Variants in SOCS5 observed in about 807,000 individuals in gnomAD.
The protein encoded by SOCS5 is CIS-6.
A neutral mutation model predicts 42.8 loss-of-function variants in SOCS5; 32 were observed. That is an observed-to-expected ratio of 0.75 (90% CI 0.56 to 1.01). The LOEUF is 1.01. SOCS5 is among the 50% of genes least tolerant of loss of function. The pLI, the probability that SOCS5 is intolerant of heterozygous loss-of-function variation, is 0.00. For synonymous variants in SOCS5, 283 were observed against 229.6 expected (o/e 1.23, Z -2.10); for missense variants, 627 against 653.0 (o/e 0.96, Z 0.43).
At chr2:46,715,702 G>C (rs1346572670) in intron 1 of SOCS5, among the ~76,000 whole-genome samples, 2 of 152,062 alleles carry the variant, frequency 1.3e-5, no homozygotes, top group East Asian at 3.9e-4. Context: ...TATATAATAT[G>C]TTTTTTTCCT....
chr2:46,734,027 CGTT>C (rs1196439830), intron 1 of SOCS5, among the ~76,000 whole-genome samples: 2 of 152,090 alleles, frequency 1.3e-5, no homozygotes, highest in Non-Finnish European at 2.9e-5. Flanking sequence ...ATAATGGAAA[CGTT>C]GTGGGACTTC....
intron 1 of SOCS5, among the ~76,000 whole-genome samples, chr2:46,729,681 G>T (rs1025598342): frequency 1.3e-5 from 2 of 152,190 alleles, no homozygotes; most frequent in Non-Finnish European, 2.9e-5. Flanking sequence ...GTGGGTGAGT[G>T]AGTGAGTGAG....
At chr2:46,713,361 C>G (rs907853306) in intron 1 of SOCS5, among the ~76,000 whole-genome samples, 10 of 152,114 alleles carry the variant, frequency 6.6e-5, no homozygotes, top group Non-Finnish European at 1.3e-4. Context: ...GGGTCTAAAA[C>G]AAATGTAAGA....
At chr2:46,741,941 C>T (rs757174993) in intron 1 of SOCS5, among the ~76,000 whole-genome samples, 1 of 152,170 alleles carries the variant, frequency 6.6e-6, no homozygotes, top group Non-Finnish European at 1.5e-5. Flanking sequence ...GCATAGTTTT[C>T]AAGCTTTAGT....
rs149802888 is a variant in SOCS5, at chr2:46,762,705, T to A, written c.*2564T>A. On this transcript the variant is annotated 3_prime_UTR_variant, in exon 2 of 2. Coordinates refer to ENST00000394861, the MANE Select transcript of SOCS5 (RefSeq NM_144949.3). ...TCACTGTGTCCTTTTCTGAATCCCA[T>A]TGTAGCCTGTCAACTAAATTTGAGT... 184 of 166,408 alleles carry A rather than the reference T, an allele frequency of 1.1e-3. No homozygotes were observed. The highest frequency in any genetic ancestry group is 4.2e-3 in the African/African-American group (175 of 41,580). The allele number at this position is 166,408 out of a possible 1,614,324, so 10.3% of individuals were successfully genotyped here. A position where few individuals can be genotyped will look rare whatever the true frequency, so the allele number is the denominator to read the frequency against.
At chr2:46,733,072 A>G (rs975680824) in intron 1 of SOCS5, among the ~76,000 whole-genome samples, 8 of 151,336 alleles carry the variant, frequency 5.3e-5, no homozygotes, top group South Asian at 4.2e-4. Context: ...CTAGATTCCT[A>G]TTTTTGCCCA....
At chr2:46,727,437 A>T (rs1047143145) in intron 1 of SOCS5, among the ~76,000 whole-genome samples, 3 of 152,070 alleles carry the variant, frequency 2.0e-5, no homozygotes, top group African/African-American at 7.2e-5. Context: ...GGCATCTTCA[A>T]TATTACATTA....
At chr2:46,728,332 A>G (rs1260301742) in intron 1 of SOCS5, among the ~76,000 whole-genome samples, 1 of 151,924 alleles carries the variant, frequency 6.6e-6, no homozygotes, top group Non-Finnish European at 1.5e-5. Flanking sequence ...GAGTGTTTTT[A>G]CTCTATCTTG....
At chr2:46,757,465 T>C (rs1169501537) in intron 1 of SOCS5, among the ~76,000 whole-genome samples, 3 of 152,182 alleles carry the variant, frequency 2.0e-5, no homozygotes, top group South Asian at 4.1e-4. Flanking sequence ...TGCCAAATTG[T>C]ATGTTTTTGG....
Position 46,702,096 on chromosome 2 carries a change from G to A in SOCS5, c.-13+2647G>A, listed in dbSNP as rs368799162. On this transcript the variant is annotated intron_variant, in intron 1 of 1. Transcript: ENST00000394861. Reference sequence around the variant, plus strand: ...TGAGTTTACTCGTTTGTAAAGGGAGGGTGTTAAAAGTACCTACCTCACAGC... The same window carrying A: ...TGAGTTTACTCGTTTGTAAAGGGAGAGTGTTAAAAGTACCTACCTCACAGC... Among the ~76,000 whole-genome samples the A allele has an allele frequency of 3.8e-4, 57 of 151,904 alleles. No individual in the cohort carries two copies. In the South Asian group the frequency reaches 0.011, roughly 30 times the overall value.
At chr2:46,710,181 C>T (rs1672586058) in intron 1 of SOCS5, among the ~76,000 whole-genome samples, 1 of 152,196 alleles carries the variant, frequency 6.6e-6, no homozygotes, top group South Asian at 2.1e-4. Flanking sequence ...GCATCTCGCT[C>T]TGTTGCCCAC....
intron 1 of SOCS5, among the ~76,000 whole-genome samples, chr2:46,729,593 A>G (rs1279722337): frequency 6.6e-6 from 1 of 152,234 alleles, no homozygotes; most frequent in Non-Finnish European, 1.5e-5. Context: ...CAGTAAAAAT[A>G]CAGTATAAAA....
chr2:46,715,270 C>T (rs1672712035), intron 1 of SOCS5, among the ~76,000 whole-genome samples: 1 of 151,032 alleles, frequency 6.6e-6, no homozygotes, highest in Non-Finnish European at 1.5e-5. Context: ...ACTCTGGAAG[C>T]TTAGGTGGGA....
intron 1 of SOCS5, among the ~76,000 whole-genome samples, chr2:46,731,368 C>T (rs768387062): frequency 1.1e-4 from 17 of 152,310 alleles, no homozygotes; most frequent in African/African-American, 3.8e-4. Flanking sequence ...ACCAAATCTG[C>T]CAGTGCTGTG....
chr2:46,741,002 T>C (rs1320471149), intron 1 of SOCS5, among the ~76,000 whole-genome samples: 1 of 152,180 alleles, frequency 6.6e-6, no homozygotes, highest in Non-Finnish European at 1.5e-5. Flanking sequence ...TAATTCCTAA[T>C]ACTGTTTGAG....
chr2:46,736,984 G>C (rs1043319852), intron 1 of SOCS5, among the ~76,000 whole-genome samples: 7 of 152,130 alleles, frequency 4.6e-5, no homozygotes, highest in Non-Finnish European at 8.8e-5. Flanking sequence ...TTGAATTTCA[G>C]ATTTTTGGAT....
At chr2:46,716,200 G>A (rs1203656028) in intron 1 of SOCS5, among the ~76,000 whole-genome samples, 1 of 146,166 alleles carries the variant, frequency 6.8e-6, no homozygotes, top group African/African-American at 2.5e-5. Flanking sequence ...TCATTGTGTT[G>A]ATGTTTTTCT....
chr2:46,699,885 G>A lies in SOCS5; in HGVS notation c.-13+436G>A, dbSNP rs1199002562. On this transcript the variant is annotated intron_variant, in intron 1 of 1. Transcript: ENST00000394861. This position sits in a 1 kb window ranked among gnomAD's most constrained non-coding sequence, Gnocchi z 4.8. ...GAAGGGAGCACCGACCAAGTCACTT[G>A]GGGCTCCAAGAGCCCGATCTGGGGG... Among the ~76,000 whole-genome samples the A allele has an allele frequency of 2.0e-5, 3 of 152,068 alleles. No individual in the cohort carries two copies. Among genetic ancestry groups the A allele is most frequent in the African/African-American group, 7.2e-5 (3 of 41,396 alleles).
chr2:46,714,969 G>A (rs943848873), intron 1 of SOCS5, among the ~76,000 whole-genome samples: 1 of 152,042 alleles, frequency 6.6e-6, no homozygotes, highest in African/African-American at 2.4e-5. Context: ...CACTTAATGT[G>A]TAGTTCAAGA....
Sources: gnomAD v4.1 joint callset for allele counts (sites outside exome capture counted in the v4.1 genomes callset) on GRCh38, gnomAD v4.1.1 for gene constraint, Gnocchi (gnomAD v3.1) non-coding constraint, MANE v1.5 for transcripts, NCBI Gene and HGNC (gene_info 2026-07-23, HGNC 2026-07-21) for gene names.